Variants in IQCH observed in about 807,000 individuals in gnomAD.
IQCH encodes IQ motif containing H.
A neutral mutation model predicts 117.0 loss-of-function variants in IQCH; 98 were observed. That is an observed-to-expected ratio of 0.84 (90% CI 0.71 to 0.99). IQCH has a LOEUF of 0.99. Ranked by LOEUF, IQCH falls within the 50% of genes least tolerant of loss-of-function variation. The pLI is 0.00. For missense variants in IQCH, 1,102 were observed against 1,243.8 expected (o/e 0.89, Z 1.72); for synonymous variants, 412 against 448.2 (o/e 0.92, Z 1.02).
At chr15:67,314,874 T>C (rs1967773191) in intron 4 of IQCH, among the ~76,000 whole-genome samples, 2 of 152,230 alleles carry the variant, frequency 1.3e-5, no homozygotes, top group African/African-American at 2.4e-5. Flanking sequence ...AAATATTCTT[T>C]AGGCTATTCC....
chr15:67,306,860 T>A, intron 4 of IQCH: 4 of 1,532,726 alleles, frequency 2.6e-6, no homozygotes, highest in Non-Finnish European at 3.5e-6. Flanking sequence ...CAAGAAGAAA[T>A]CCCTGGTACT....
At chr15:67,355,352 T>C (rs7162810) in intron 6 of IQCH, among the ~76,000 whole-genome samples, 102,587 of 151,782 alleles carry the variant, frequency 0.68, 35,266 homozygotes, top group Middle Eastern at 0.84. Context: ...TTTGGGAGGC[T>C]GAGGTGGGTG....
chr15:67,442,894 TAG>T (rs1461589655), intron 16 of IQCH, among the ~76,000 whole-genome samples: 1 of 149,778 alleles, frequency 6.7e-6, no homozygotes, highest in African/African-American at 2.4e-5. Flanking sequence ...AAAATACATA[TAG>T]ATATACATAC....
In IQCH at chr15:67,416,474, G is replaced by A. The variant is rs1246034258; in HGVS notation, c.2098-457G>A. On this transcript the variant is annotated intron_variant, in intron 14 of 20. Transcript: ENST00000335894. The surrounding 1 kb of genome is among the most constrained non-coding windows in gnomAD (Gnocchi z 5.1). The stretch of plus-strand genomic sequence containing the variant: ...AGAGGTTGCAGTGAGCCAAGATCAC[G>A]CCATTGCACTCCAGCCTGGGCAACA... Among the ~76,000 whole-genome samples the A allele has an allele frequency of 2.0e-5, 3 of 151,448 alleles. No homozygotes were observed. Among genetic ancestry groups the A allele is most frequent in the Non-Finnish European group, 4.4e-5 (3 of 67,972 alleles).
chr15:67,329,847 T>C (rs78551800), intron 4 of IQCH, among the ~76,000 whole-genome samples: 263 of 111,816 alleles, frequency 2.4e-3, no homozygotes, highest in African/African-American at 8.1e-3. Context: ...CACACACACA[T>C]ATACACATAT....
At chr15:67,429,169 T>A (rs555566853) in intron 16 of IQCH, among the ~76,000 whole-genome samples, 1 of 152,340 alleles carries the variant, frequency 6.6e-6, no homozygotes, top group East Asian at 1.9e-4. Flanking sequence ...AATAGGATAC[T>A]AATATAGAGG....
chr15:67,489,091 T>C (rs1177696449), intron 18 of IQCH, among the ~76,000 whole-genome samples: 2 of 151,984 alleles, frequency 1.3e-5, no homozygotes, highest in Non-Finnish European at 2.9e-5. Context: ...TGGAATGCAG[T>C]GGCGTGATCT....
chr15:67,380,811 T>C (rs1185983756), intron 10 of IQCH, among the ~76,000 whole-genome samples: 1 of 152,086 alleles, frequency 6.6e-6, no homozygotes, highest in Non-Finnish European at 1.5e-5. Context: ...GATCATGAGT[T>C]TCAAAATGAG....
At chr15:67,284,640 T>C (rs1966492057) in intron 4 of IQCH, among the ~76,000 whole-genome samples, 1 of 152,156 alleles carries the variant, frequency 6.6e-6, no homozygotes, top group Admixed American at 6.6e-5. Context: ...TAGGACCCAG[T>C]GTGTGTTGTT....
Position 67,344,131 on chromosome 15 carries a change from A to G in IQCH, c.577A>G (p.Ile193Val), listed in dbSNP as rs765880368. 2 of 1,613,682 alleles carry G rather than the reference A, an allele frequency of 1.2e-6. No homozygotes were observed. Among genetic ancestry groups the G allele is most frequent in the Non-Finnish European group, 8.5e-7 (1 of 1,179,744 alleles). ...TARITFQNPP[I>V]TPRAAPLHSF... ...AAGGATTACCTTTCAGAATCCACCC[A>G]TTACACCCAGAGCAGCTCCTCTGCA... The change falls in exon 6 of 21, where the codon ATT (isoleucine) becomes GTT (valine). Residue 193 changes from isoleucine to valine, a missense_variant. By Grantham distance (29) the Ile-to-Val change is conservative. Coordinates refer to ENST00000335894, the MANE Select transcript of IQCH (RefSeq NM_001031715.3).
At chr15:67,265,142 GACAGAGA>G (rs1965618716) in intron 3 of IQCH, among the ~76,000 whole-genome samples, 1 of 152,206 alleles carries the variant, frequency 6.6e-6, no homozygotes, top group South Asian at 2.1e-4. Flanking sequence ...CTTTCATCTT[GACAGAGA>G]ACCAGGAGTC....
At chr15:67,287,066 TA>T (rs1290014780) in intron 4 of IQCH, among the ~76,000 whole-genome samples, 3 of 152,252 alleles carry the variant, frequency 2.0e-5, no homozygotes, top group Admixed American at 1.3e-4. Flanking sequence ...TGATATGATG[TA>T]TCACATTGAT....
At chr15:67,499,179 G>C (rs547974406) in intron 20 of IQCH, among the ~76,000 whole-genome samples, 2 of 151,072 alleles carry the variant, frequency 1.3e-5, no homozygotes, top group African/African-American at 4.9e-5. Flanking sequence ...CACACCTGTA[G>C]TTCTAGCTGC....
intron 16 of IQCH, among the ~76,000 whole-genome samples, chr15:67,441,267 C>A (rs7167014): frequency 6.6e-6 from 1 of 151,800 alleles, no homozygotes; most frequent in Non-Finnish European, 1.5e-5. Context: ...ACATCCCATA[C>A]TCATGGATGG....
At chr15:67,318,917 T>C (rs1967980090) in intron 4 of IQCH, among the ~76,000 whole-genome samples, 2 of 152,020 alleles carry the variant, frequency 1.3e-5, no homozygotes, top group Admixed American at 1.3e-4. Context: ...AAGTAAGATG[T>C]TTGAAAAAGA....
intron 3 of IQCH, among the ~76,000 whole-genome samples, chr15:67,265,342 C>T (rs185201875): frequency 6.6e-4 from 100 of 152,316 alleles, no homozygotes; most frequent in African/African-American, 1.9e-3. Context: ...GACTGGGGCA[C>T]GGAGTTAGTT....
At position 67,476,537 on chromosome 15, in the gene IQCH, T is replaced by C. The variant is rs144339240; in HGVS notation, c.2799+719T>C. On this transcript the variant is annotated intron_variant, in intron 18 of 20. Transcript: ENST00000335894. This position sits in a 1 kb window ranked among gnomAD's most constrained non-coding sequence, Gnocchi z 4.1. ...ATAGCATCCTCCTACTGATATTTGA[T>C]AATTTATTTCTGAAGGGAGTTCTGA... Among the ~76,000 whole-genome samples the C allele has an allele frequency of 1.3e-5, 2 of 152,348 alleles. No homozygotes were observed. Among genetic ancestry groups the C allele is most frequent in the African/African-American group, 4.8e-5 (2 of 41,574 alleles).
In IQCH at chr15:67,473,651, T is replaced by C. The variant is rs2083126941; in HGVS notation, c.2677-2045T>C. Among the ~76,000 whole-genome samples, 1 of 152,218 alleles carries C rather than the reference T, an allele frequency of 6.6e-6. No individual in the cohort carries two copies. The highest frequency in any genetic ancestry group is 6.5e-5 in the Admixed American group (1 of 15,282). On this transcript the variant is annotated intron_variant, in intron 17 of 20. Coordinates refer to ENST00000335894, the MANE Select transcript of IQCH (RefSeq NM_001031715.3). This position sits in a 1 kb window ranked among gnomAD's most constrained non-coding sequence, Gnocchi z 4.9. ...TTTTATTTAATAAACACCAAGTGCC[T>C]GTTCTGTGCTGGTATCATGCCCAAA...
intron 13 of IQCH, among the ~76,000 whole-genome samples, chr15:67,398,964 C>T (rs943653138): frequency 2.0e-5 from 3 of 152,110 alleles, no homozygotes; most frequent in African/African-American, 7.2e-5. Context: ...CAGGCTCTGC[C>T]AGGTGAGTAT....
Sources: allele counts gnomAD v4.1 joint callset (sites outside exome capture counted in the v4.1 genomes callset), GRCh38; gene constraint gnomAD v4.1.1; non-coding constraint Gnocchi (gnomAD v3.1); transcripts MANE v1.5; gene names NCBI Gene and HGNC (gene_info 2026-07-23, HGNC 2026-07-21).